Variants in SEC24A observed in about 807,000 individuals in gnomAD.
SEC24A encodes SEC24 homolog A, COPII component, also known as protein transport protein Sec24A.
Under a neutral mutation model 129.4 loss-of-function variants are expected in SEC24A, and 93 were observed. That is an observed-to-expected ratio of 0.72 (90% CI 0.61 to 0.85). SEC24A has a LOEUF of 0.85. Ranked by LOEUF, SEC24A falls within the 40% of genes least tolerant of loss-of-function variation. The pLI, the probability that SEC24A is intolerant of heterozygous loss-of-function variation, is 0.00. For synonymous variants in SEC24A, 460 were observed against 467.3 expected (o/e 0.98, Z 0.20); for missense variants, 1,264 against 1,307.4 (o/e 0.97, Z 0.51).
At chr5:134,697,860 T>A (rs745644473) in intron 14 of SEC24A, 39 bp from the exon 15 acceptor site, 1 of 1,571,632 alleles carries the variant, frequency 6.4e-7, no homozygotes, top group Non-Finnish European at 8.6e-7. Context: ...GTAGAAATAG[T>A]TAACGGCACA....
chr5:134,709,789 C>T (rs1752266449), intron 18 of SEC24A, among the ~76,000 whole-genome samples: 1 of 152,072 alleles, frequency 6.6e-6, no homozygotes, highest in Admixed American at 6.6e-5. Context: ...TAGAATTTTT[C>T]ACCAACAAAA....
At chr5:134,711,998 C>T (rs1478407423) in intron 18 of SEC24A, among the ~76,000 whole-genome samples, 5 of 151,978 alleles carry the variant, frequency 3.3e-5, no homozygotes, top group African/African-American at 2.4e-5. Context: ...CCACCCGCCT[C>T]GGCCTCCCAA....
chr5:134,697,774 A>G, intron 14 of SEC24A, 125 bp from the exon 15 acceptor site: 1 of 1,026,820 alleles, frequency 9.7e-7, no homozygotes, highest in Non-Finnish European at 1.4e-6. Context: ...AGGGAATAAA[A>G]TCTCCTTTCT....
chr5:134,660,901 T>A (rs1239895168), intron 1 of SEC24A, among the ~76,000 whole-genome samples: 1 of 152,188 alleles, frequency 6.6e-6, no homozygotes, highest in Non-Finnish European at 1.5e-5. Context: ...TAATTATGTT[T>A]GTATTTCTCT....
chr5:134,695,475 A>G (rs1751791774), intron 13 of SEC24A, among the ~76,000 whole-genome samples: 1 of 151,822 alleles, frequency 6.6e-6, no homozygotes, highest in African/African-American at 2.4e-5. Flanking sequence ...AACACGACGA[A>G]ACCCCATCTC....
intron 11 of SEC24A, among the ~76,000 whole-genome samples, chr5:134,690,921 G>A (rs994035933): frequency 2.0e-5 from 3 of 150,488 alleles, no homozygotes; most frequent in Non-Finnish European, 3.0e-5. Flanking sequence ...TGGCTCACTG[G>A]CTCACTGCAG....
At chr5:134,653,076 A>T (rs1750120600) in intron 1 of SEC24A, among the ~76,000 whole-genome samples, 1 of 151,028 alleles carries the variant, frequency 6.6e-6, no homozygotes, top group Non-Finnish European at 1.5e-5. Flanking sequence ...AAGTGCTGGG[A>T]TTACAGTTAT....
At chr5:134,690,166 G>A (rs771441778) in intron 11 of SEC24A, among the ~76,000 whole-genome samples, 21 of 152,214 alleles carry the variant, frequency 1.4e-4, no homozygotes, top group Middle Eastern at 3.4e-3. Flanking sequence ...TTATAGGTGC[G>A]TGCCACCACG....
chr5:134,717,507 C>CAAAAAG (rs559636588), intron 19 of SEC24A, among the ~76,000 whole-genome samples: 6 of 151,688 alleles, frequency 4.0e-5, no homozygotes, highest in Admixed American at 2.0e-4. Context: ...AACTCTGTCT[C>CAAAAAG]AAAAAGAAAA....
intron 17 of SEC24A, among the ~76,000 whole-genome samples, chr5:134,706,719 C>G: frequency 6.6e-6 from 1 of 152,074 alleles, no homozygotes; most frequent in Non-Finnish European, 1.5e-5. Context: ...GAGATGGAGT[C>G]TCATTCACCC....
rs751217814 is a variant in SEC24A at position 134,703,840 on chromosome 5, C to T, written c.2348C>T (p.Ala783Val). 1 of 1,613,232 alleles carries T rather than the reference C, an allele frequency of 6.2e-7. No homozygotes were observed. Residue 783 changes from alanine to valine, a missense_variant, in exon 16 of 23, where the codon GCT (alanine) becomes GTT (valine). By Grantham distance (64) the Ala-to-Val change is moderately conservative. Transcript: ENST00000398844. Reference protein sequence around the residue: ...LLSLPNVNPDAGYAVQMSVEE... With the variant: ...LLSLPNVNPDVGYAVQMSVEE... ...TCTTTGCCTAACGTCAACCCAGACG[C>T]TGGGTATGCAGTACAGATGTCAGTG... is the stretch of plus-strand genomic sequence containing the variant.
rs1418544607 is a variant in SEC24A at position 134,679,624 on chromosome 5, G to A, written c.1277G>A (p.Ser426Asn). 1.3e-6 allele frequency: 2 copies of A among 1,584,064 alleles called. No individual in the cohort carries two copies. The highest frequency in any genetic ancestry group is 1.1e-5 in the South Asian group (1 of 86,962). Residue 426 changes from serine to asparagine, a missense_variant, in exon 8 of 23, where the codon AGT becomes AAT. By Grantham distance (46) the Ser-to-Asn change is conservative. Transcript: ENST00000398844. Reference protein sequence around the residue: ...DLVQLPVVTSSTIVRCRSCRT... With the variant: ...DLVQLPVVTSNTIVRCRSCRT... ...CAGCAATTGCCTGTGGTTACCTCCA[G>A]TACAATTGTGAGATGCCGTTCATGC...
intron 21 of SEC24A, among the ~76,000 whole-genome samples, chr5:134,723,174 T>G (rs752900570): frequency 2.0e-5 from 3 of 151,590 alleles, no homozygotes; most frequent in Non-Finnish European, 2.9e-5. Context: ...TAAGTTAAAT[T>G]TGAGAAGTAG....
intron 7 of SEC24A, among the ~76,000 whole-genome samples, chr5:134,676,927 C>T (rs969013200): frequency 4.6e-5 from 7 of 151,986 alleles, no homozygotes; most frequent in African/African-American, 1.7e-4. Context: ...AAGTATATTG[C>T]TGGAAAATTC....
intron 1 of SEC24A, 70 bp downstream of exon 1, chr5:134,649,243 G>C: frequency 8.6e-7 from 1 of 1,167,204 alleles, no homozygotes. Context: ...ACTGCTGCTT[G>C]AGGCGACATA....
chr5:134,695,021 C>T (rs1232948039), intron 13 of SEC24A, among the ~76,000 whole-genome samples: 2 of 152,004 alleles, frequency 1.3e-5, no homozygotes, highest in African/African-American at 2.4e-5. Context: ...CTGTTTATTA[C>T]ACTTGGGAAC....
chr5:134,670,457 T>G (rs942408796), intron 3 of SEC24A, among the ~76,000 whole-genome samples: 7 of 152,228 alleles, frequency 4.6e-5, no homozygotes, highest in Admixed American at 6.5e-5. Flanking sequence ...ATTCACTGAA[T>G]TAAGTGTCTT....
chr5:134,676,195 A>C, intron 7 of SEC24A, 70 bp downstream of exon 7: 1 of 1,118,086 alleles, frequency 8.9e-7, no homozygotes, highest in South Asian at 1.5e-5. Flanking sequence ...GCTGGAGTGC[A>C]GTGACGCAGT....
intron 13 of SEC24A, among the ~76,000 whole-genome samples, chr5:134,694,875 C>T (rs1387532760): frequency 6.6e-6 from 1 of 151,528 alleles, no homozygotes; most frequent in Non-Finnish European, 1.5e-5. Flanking sequence ...CATTGATGGC[C>T]AAGGTGCTTA....
Sources: allele counts gnomAD v4.1 joint callset (sites outside exome capture counted in the v4.1 genomes callset), GRCh38; gene constraint gnomAD v4.1.1; transcripts MANE v1.5; gene names NCBI Gene and HGNC (gene_info 2026-07-23, HGNC 2026-07-21).